Variants in NEK1 observed in about 807,000 individuals in gnomAD.
The protein encoded by NEK1 is serine/threonine-protein kinase Nek1.
A neutral mutation model predicts 182.1 loss-of-function variants in NEK1; 137 were observed. The ratio of observed to expected loss-of-function variants is 0.75; its 90% CI spans 0.65 to 0.87. NEK1 has a LOEUF of 0.87. Ranked by LOEUF, NEK1 falls within the 40% of genes least tolerant of loss-of-function variation. NEK1 has a pLI of 0.00. For missense variants in NEK1, 1,391 were observed against 1,494.4 expected (o/e 0.93, Z 1.14); for synonymous variants, 513 against 492.2 (o/e 1.04, Z -0.56).
intron 31 of NEK1, among the ~76,000 whole-genome samples, chr4:169,418,675 A>C (rs1734945444): frequency 6.6e-6 from 1 of 152,198 alleles, no homozygotes; most frequent in Non-Finnish European, 1.5e-5. Flanking sequence ...AATACATACT[A>C]ATAGAATTTA....
At position 169,513,116 on chromosome 4, in the gene NEK1, T is replaced by C. The variant is rs147480151; in HGVS notation, c.1666-4264A>G. Among the ~76,000 whole-genome samples the C allele has an allele frequency of 9.1e-3, 1,391 of 152,256 alleles. 25 individuals are homozygous for C. The highest frequency in any genetic ancestry group is 0.032 in the African/African-American group (1,311 of 41,566). Reference sequence around the variant, plus strand: ...CCATATAAATTTTAAAATAAGCCTGTCTATATTAAAAAATATTTTCTGAGA... The same window carrying C: ...CCATATAAATTTTAAAATAAGCCTGCCTATATTAAAAAATATTTTCTGAGA... On this transcript the variant is annotated intron_variant, in intron 19 of 35. Transcript: ENST00000507142.
intron 27 of NEK1, among the ~76,000 whole-genome samples, chr4:169,440,583 A>G (rs1228935509): frequency 1.3e-5 from 2 of 152,218 alleles, no homozygotes; most frequent in Non-Finnish European, 2.9e-5. Flanking sequence ...AAGAGAACAC[A>G]GGAATTCAGC....
chr4:169,508,379 T>C (rs527825292), intron 20 of NEK1, 48 bp from the exon 21 acceptor site: 8 of 1,439,298 alleles, frequency 5.6e-6, no homozygotes, highest in South Asian at 2.8e-5. Context: ...AGCAAAGCTA[T>C]TGACATTTTT....
chr4:169,560,294 G>A (rs1482735062), intron 16 of NEK1, among the ~76,000 whole-genome samples: 1 of 152,082 alleles, frequency 6.6e-6, no homozygotes, highest in African/African-American at 2.4e-5. Context: ...ATTTCCTTGT[G>A]GCTGTATGAC....
rs1296913837 is a variant in NEK1, at chr4:169,589,619, G to A, written c.397-105C>T. ...AAATCCAGTTAAAAAAATTGTGCTA[G>A]AGTAACTGGATATTCACATACAAAA... is the stretch of plus-strand genomic sequence containing the variant. On this transcript the variant is annotated intron_variant, in intron 6 of 35. Transcript: ENST00000507142. 8.7e-6 allele frequency: 6 copies of A among 687,414 alleles called. No individual in the cohort carries two copies. The East Asian group carries it at 1.1e-4, about 13-fold the overall frequency. The allele number at this position is 687,414 out of a possible 1,614,324, so 42.6% of individuals were successfully genotyped here.
intron 18 of NEK1, among the ~76,000 whole-genome samples, chr4:169,543,987 C>A (rs1367542957): frequency 6.6e-6 from 1 of 152,142 alleles, no homozygotes; most frequent in Non-Finnish European, 1.5e-5. Flanking sequence ...CTATCTCTTG[C>A]CTGATTGCCC....
rs1458708493 is a variant in NEK1 at position 169,555,761 on chromosome 4, C to A, written c.1521G>T (p.Leu507Phe). The A allele has an allele frequency of 6.2e-7, 1 of 1,613,862 alleles. No homozygotes were observed. Among genetic ancestry groups the A allele is most frequent in the South Asian group, 1.1e-5 (1 of 91,068 alleles). ...GTTTAGACACCGCCTTCAATCTTTT[C>A]AAAGTTTTTCTAATATCATCAGCAT... The part of the protein sequence containing the change: ...FPDADDIRKT[L>F]KRLKAVSKQA... The change falls in exon 18 of 36, where the codon TTG becomes TTT. Residue 507 changes from leucine to phenylalanine, a missense_variant. By Grantham distance (22) the Leu-to-Phe change is conservative (BLOSUM62 0). This residue lies in a region of NEK1 where 1,216 missense variants were observed against 1,277.6 expected (regional missense o/e 0.95). Transcript: ENST00000507142.
At chr4:169,591,152 C>A (rs559968448) in intron 5 of NEK1, among the ~76,000 whole-genome samples, 49 of 147,628 alleles carry the variant, frequency 3.3e-4, no homozygotes, top group Admixed American at 1.3e-3. Flanking sequence ...ACGCCCCCCC[C>A]CCACTTCTTT....
chr4:169,471,781 C>G lies in NEK1; in HGVS notation c.2434+5343G>C, dbSNP rs1746026964. ...GGGACATGGGAGTTTTTTCTATAAG[C>G]TCCTGACTGGGGCTGCTACCTTTCT... On this transcript the variant is annotated intron_variant, in intron 26 of 35. Coordinates refer to ENST00000507142, the MANE Select transcript of NEK1 (RefSeq NM_001199397.3). Among the ~76,000 whole-genome samples, 4 of 152,124 alleles carry G rather than the reference C, an allele frequency of 2.6e-5. 1 individual carries two copies. In the South Asian group the frequency reaches 8.3e-4, roughly 31 times the overall value.
intron 12 of NEK1, among the ~76,000 whole-genome samples, chr4:169,562,575 A>G (rs1363325134): frequency 2.6e-5 from 4 of 152,078 alleles, no homozygotes; most frequent in Admixed American, 6.5e-5. Context: ...ACAAGATTAA[A>G]AATTTAGGGT....
intron 18 of NEK1, among the ~76,000 whole-genome samples, chr4:169,540,285 T>C (rs1458335967): frequency 2.6e-5 from 4 of 152,064 alleles, no homozygotes; most frequent in Non-Finnish European, 5.9e-5. Flanking sequence ...GGAGGCAAGG[T>C]TGGTTCAACA....
At chr4:169,494,907 C>A (rs11934954) in intron 23 of NEK1, among the ~76,000 whole-genome samples, 2 of 152,016 alleles carry the variant, frequency 1.3e-5, no homozygotes, top group East Asian at 3.9e-4. Flanking sequence ...TTTTGAGAAG[C>A]GTCTGTTCAT....
At chr4:169,445,865 T>TATATATATATATACACACAC (rs569539235) in intron 27 of NEK1, among the ~76,000 whole-genome samples, 4 of 143,208 alleles carry the variant, frequency 2.8e-5, no homozygotes, top group African/African-American at 1.1e-4. Flanking sequence ...TATATATATA[T>TATATATATATATACACACAC]ACACACACAC....
intron 27 of NEK1, among the ~76,000 whole-genome samples, chr4:169,450,012 A>G (rs1439758108): frequency 6.6e-6 from 1 of 152,258 alleles, no homozygotes; most frequent in Admixed American, 6.5e-5. Context: ...AAACCATGGC[A>G]TGAGAACTTC....
At chr4:169,480,379 G>C (rs888515599) in intron 23 of NEK1, among the ~76,000 whole-genome samples, 2 of 151,998 alleles carry the variant, frequency 1.3e-5, no homozygotes, top group African/African-American at 4.8e-5. Flanking sequence ...TTGCAATAAA[G>C]TGAGTCACAC....
chr4:169,414,111 C>T (rs1734119646), intron 31 of NEK1, among the ~76,000 whole-genome samples: 4 of 152,074 alleles, frequency 2.6e-5, no homozygotes, highest in Admixed American at 6.6e-5. Flanking sequence ...ATACTATTAG[C>T]CAGCTACTAT....
At chr4:169,581,555 G>C (rs969550611) in intron 10 of NEK1, among the ~76,000 whole-genome samples, 12 of 152,144 alleles carry the variant, frequency 7.9e-5, no homozygotes, top group African/African-American at 2.4e-4. Context: ...AAAGTCCTGG[G>C]ATTAAAGGTA....
At chr4:169,591,604 T>C (rs982674141) in intron 5 of NEK1, among the ~76,000 whole-genome samples, 6 of 152,070 alleles carry the variant, frequency 3.9e-5, no homozygotes, top group Non-Finnish European at 5.9e-5. Context: ...AGACGGCCAC[T>C]TGGAAATAAA....
intron 8 of NEK1, among the ~76,000 whole-genome samples, 165 bp downstream of exon 8, chr4:169,588,484 G>A (rs963071754): frequency 2.6e-5 from 4 of 151,940 alleles, no homozygotes; most frequent in African/African-American, 9.7e-5. Flanking sequence ...TAATCAAATA[G>A]CTTTTTTACA....
Sources: gnomAD v4.1 joint callset for allele counts (sites outside exome capture counted in the v4.1 genomes callset) on GRCh38, gnomAD v4.1.1 for gene constraint, gnomAD v4.1.1 regional missense constraint, MANE v1.5 for transcripts, NCBI Gene and HGNC (gene_info 2026-07-23, HGNC 2026-07-21) for gene names.